Variants in ARID1B observed in about 807,000 individuals in gnomAD.
ARID1B encodes AT-rich interactive domain-containing protein 1B.
In ARID1B, 30 loss-of-function variants were observed where a neutral mutation model predicts 212.3. That is an observed-to-expected ratio of 0.14 (90% confidence interval 0.11 to 0.19). ARID1B has a LOEUF of 0.19. ARID1B is among the 10% of genes least tolerant of loss of function. ARID1B has a pLI of 1.00. For synonymous variants in ARID1B, 1,402 were observed against 1,301.7 expected (o/e 1.08, Z -1.66); for missense variants, 2,891 against 3,204.0 (o/e 0.90, Z 2.36).
intron 2 of ARID1B, among the ~76,000 whole-genome samples, chr6:156,838,259 A>G (rs1783647766): frequency 6.6e-6 from 1 of 152,198 alleles, no homozygotes; most frequent in Non-Finnish European, 1.5e-5. Flanking sequence ...AAGTCAGACT[A>G]ATGTTAATAG....
intron 1 of ARID1B, among the ~76,000 whole-genome samples, chr6:156,828,290 C>T (rs899628350): frequency 2.6e-5 from 4 of 152,082 alleles, no homozygotes; most frequent in African/African-American, 9.7e-5. Context: ...TGAATTTACC[C>T]TGCTAATTCT....
intron 4 of ARID1B, among the ~76,000 whole-genome samples, chr6:156,986,016 C>T (rs961985540): frequency 2.6e-5 from 4 of 152,016 alleles, no homozygotes; most frequent in African/African-American, 9.7e-5. Flanking sequence ...TGCGATTTTT[C>T]TGTCAGTTTT....
At chr6:157,185,151 T>G (rs1395006320) in intron 13 of ARID1B, 2 of 152,416 alleles carry the variant, frequency 1.3e-5, no homozygotes, top group Non-Finnish European at 2.9e-5. Context: ...CCCATTCCTT[T>G]CAGCTCCCCT....
At chr6:156,802,099 C>T (rs987033094) in intron 1 of ARID1B, among the ~76,000 whole-genome samples, 4 of 152,244 alleles carry the variant, frequency 2.6e-5, no homozygotes, top group Non-Finnish European at 5.9e-5. Flanking sequence ...TTCTCCTTCT[C>T]TCCTACCCAA....
Position 156,960,443 on chromosome 6 carries a change from TG to T in ARID1B, c.2247+24869del, listed in dbSNP as rs202232970. Among the ~76,000 whole-genome samples the T allele has an allele frequency of 3.7e-3, 558 of 152,346 alleles. 6 individuals carry two copies. The highest frequency in any genetic ancestry group is 0.013 in the African/African-American group (523 of 41,588). On this transcript the variant is annotated intron_variant, in intron 4 of 19. Transcript: ENST00000636930. Reference sequence around the variant, plus strand: ...AGTAAAATAAAAGTATATTTTCATTTGGTATTTAGTTTAATCAGTAAAAAAT... The same window carrying T: ...AGTAAAATAAAAGTATATTTTCATTTGTATTTAGTTTAATCAGTAAAAAAT...
intron 4 of ARID1B, among the ~76,000 whole-genome samples, chr6:157,040,205 T>C (rs1413897585): frequency 6.6e-6 from 1 of 152,240 alleles, no homozygotes; most frequent in Admixed American, 6.5e-5. Context: ...CCCAAAGTGC[T>C]GGGATTACAG....
chr6:157,058,855 A>G lies in ARID1B; in HGVS notation c.2248-25807A>G, dbSNP rs1345887500. ...TAAGACATAGAAGAGGGAAAATACC[A>G]CGTGGTCTGGGGTGATCAGGCATTG... On this transcript the variant is annotated intron_variant, in intron 4 of 19. Coordinates refer to ENST00000636930, the MANE Select transcript of ARID1B (RefSeq NM_001374828.1). Among the ~76,000 whole-genome samples, 5 of 152,230 alleles carry G rather than the reference A, an allele frequency of 3.3e-5. No individual in the cohort carries two copies. The East Asian group carries it at 9.7e-4, about 29-fold the overall frequency.
At chr6:157,120,850 C>G (rs1479095703) in intron 6 of ARID1B, among the ~76,000 whole-genome samples, 1 of 152,170 alleles carries the variant, frequency 6.6e-6, no homozygotes, top group Non-Finnish European at 1.5e-5. Context: ...TGCTGTAGTT[C>G]TCTGCTAGCT....
chr6:157,135,521 C>T (rs1788847457), intron 7 of ARID1B, among the ~76,000 whole-genome samples: 1 of 152,184 alleles, frequency 6.6e-6, no homozygotes, highest in African/African-American at 2.4e-5. Context: ...TTTCTCCTCT[C>T]CTGAGTGACA....
At chr6:157,179,715 T>C (rs769309606) in intron 11 of ARID1B, among the ~76,000 whole-genome samples, 40 of 152,334 alleles carry the variant, frequency 2.6e-4, no homozygotes, top group Non-Finnish European at 4.1e-4. Flanking sequence ...GCCCAGTGAC[T>C]CTGGAGAATC....
In ARID1B at chr6:156,778,181, C is replaced by A; in HGVS notation, c.501C>A (p.His167Gln). ...CCGCCGCGCCGCCCCACCAGCAGCA[C>A]CACCACCACCACCATGCCCACCACC... is the stretch of plus-strand genomic sequence containing the variant. ...EAPAAPPHQQHHHHHHAHHHH... is the reference protein window; with the variant it reads ...EAPAAPPHQQQHHHHHAHHHH... The change falls in exon 1 of 20, where the codon CAC becomes CAA. Residue 167 changes from histidine to glutamine, a missense_variant. Coordinates refer to ENST00000636930, the MANE Select transcript of ARID1B (RefSeq NM_001374828.1). The A allele has an allele frequency of 6.5e-7, 1 of 1,532,236 alleles. No individual in the cohort carries two copies. The allele number at this position is 1,532,236 out of a possible 1,614,324, so 94.9% of individuals were successfully genotyped here.
intron 4 of ARID1B, among the ~76,000 whole-genome samples, chr6:157,045,708 T>C (rs745422287): frequency 1.3e-5 from 2 of 152,238 alleles, no homozygotes; most frequent in Non-Finnish European, 2.9e-5. Context: ...TGAACTCATA[T>C]TACTTTTCAT....
rs1423550073 is a variant in ARID1B, at chr6:157,209,075, C to A, written c.*1184C>A. On this transcript the variant is annotated 3_prime_UTR_variant, in exon 20 of 20. Transcript: ENST00000636930. ...CAACTAAAAGGAAGAAACACAACTT[C>A]AAAGATTTTTCAGTGATGAGAATCC... 2.3e-5 allele frequency: 5 copies of A among 221,538 alleles called. No individual in the cohort carries two copies. The highest frequency in any genetic ancestry group is 6.5e-5 in the East Asian group (1 of 15,450). 13.7% of individuals were successfully genotyped at this position (221,538 alleles called of 1,614,324 possible).
intron 4 of ARID1B, among the ~76,000 whole-genome samples, chr6:157,067,725 A>G (rs1180446474): frequency 6.6e-6 from 1 of 152,148 alleles, no homozygotes; most frequent in Non-Finnish European, 1.5e-5. Flanking sequence ...AAAGTATTAT[A>G]ATATGCACTC....
chr6:156,810,881 T>C (rs1283129257), intron 1 of ARID1B, among the ~76,000 whole-genome samples: 1 of 152,174 alleles, frequency 6.6e-6, no homozygotes, highest in Non-Finnish European at 1.5e-5. Flanking sequence ...GCATAACACA[T>C]TGAGTGGCTT....
At chr6:156,885,087 C>G (rs2128175951) in intron 2 of ARID1B, among the ~76,000 whole-genome samples, 1 of 152,184 alleles carries the variant, frequency 6.6e-6, no homozygotes, top group East Asian at 1.9e-4. Flanking sequence ...TGAAACCTGG[C>G]TTTACCTTCT....
chr6:156,792,393 C>T (rs1380456375), intron 1 of ARID1B, among the ~76,000 whole-genome samples: 2 of 152,132 alleles, frequency 1.3e-5, no homozygotes, highest in Non-Finnish European at 2.9e-5. Flanking sequence ...TGCTTGAGGC[C>T]AGGAGTCCAA....
At chr6:157,040,458 C>G (rs1781813321) in intron 4 of ARID1B, among the ~76,000 whole-genome samples, 1 of 152,188 alleles carries the variant, frequency 6.6e-6, no homozygotes, top group Admixed American at 6.5e-5. Context: ...TAGTGATGAT[C>G]TTTAATGATC....
chr6:156,934,877 A>C (rs1792032997), intron 3 of ARID1B, among the ~76,000 whole-genome samples: 1 of 133,400 alleles, frequency 7.5e-6, no homozygotes. Context: ...CAAATACAGT[A>C]CTTGGTATGG....
Sources: allele counts gnomAD v4.1 joint callset (sites outside exome capture counted in the v4.1 genomes callset), GRCh38; gene constraint gnomAD v4.1.1; transcripts MANE v1.5; gene names NCBI Gene and HGNC (gene_info 2026-07-23, HGNC 2026-07-21).